The following LRRC7 variants were observed in gnomAD, a reference collection of about 807,000 sequenced individuals.
LRRC7 encodes leucine-rich repeat-containing protein 7.
In LRRC7, 23 loss-of-function variants were observed where a neutral mutation model predicts 175.7. That is an observed-to-expected ratio of 0.13 (90% CI 0.09 to 0.19). LRRC7 has a LOEUF of 0.19. Ranked by LOEUF, LRRC7 falls within the 10% of genes least tolerant of loss-of-function variation. The pLI is 1.00. For synonymous variants in LRRC7, 685 were observed against 680.9 expected, an observed-to-expected ratio of 1.01 and a Z score of -0.09; for missense variants, 1,354 against 1,904.7, an observed-to-expected ratio of 0.71 and a Z score of 5.38.
At position 70,039,752 on chromosome 1, in the gene LRRC7, C is replaced by A; in HGVS notation, c.3928C>A (p.Gln1310Lys). The change falls in exon 21 of 27, where the codon CAA (glutamine) becomes AAA (lysine). Residue 1310 changes from glutamine (Q) to lysine (K), a missense_variant. Gln to Lys is a moderately conservative substitution (Grantham distance 53, BLOSUM62 1). This residue lies in a region of LRRC7 where 1,032 missense variants were observed against 1,227.2 expected (regional missense o/e 0.84). Coordinates refer to ENST00000651989, the MANE Select transcript of LRRC7 (RefSeq NM_001370785.2). ...TGGTAAAATGCCTGCAGACTGGAGA[C>A]AACAGCTGCTTAGACATATAGAAGC... ...SCGKMPADWRQQLLRHIEARR... is the reference protein window; with the variant it reads ...SCGKMPADWRKQLLRHIEARR... 4.3e-6 allele frequency: 7 copies of A among 1,611,544 alleles called. No homozygotes were observed. The highest frequency in any genetic ancestry group is 5.9e-6 in the Non-Finnish European group (7 of 1,178,962).
At chr1:69,619,273 T>C (rs900086084) in intron 1 of LRRC7, among the ~76,000 whole-genome samples, 1 of 152,202 alleles carries the variant, frequency 6.6e-6, no homozygotes, top group Non-Finnish European at 1.5e-5. Context: ...TTTCAGTATG[T>C]TGACATTGGC....
At position 69,575,656 on chromosome 1, in the gene LRRC7, T is replaced by A. The variant is rs1343531854; in HGVS notation, c.2+7015T>A. Among the ~76,000 whole-genome samples the A allele has an allele frequency of 5.4e-5, 6 of 110,132 alleles. No homozygotes were observed. In the East Asian group the frequency reaches 1.2e-3, roughly 22 times the overall value. The allele number at this position is 110,132 out of a possible 152,430, so 72.3% of individuals were successfully genotyped here. On this transcript the variant is annotated intron_variant, in intron 1 of 26. Coordinates refer to ENST00000651989, the MANE Select transcript of LRRC7 (RefSeq NM_001370785.2). ...TTAAAACATTAAAATTAAAATGTTC[T>A]TTTTAAATCATTGATCTTTTTAGGA...
At chr1:69,695,668 A>ACCAGGC (rs1322090969) in intron 2 of LRRC7, among the ~76,000 whole-genome samples, 2 of 152,194 alleles carry the variant, frequency 1.3e-5, no homozygotes, top group African/African-American at 2.4e-5. Flanking sequence ...GGTTTCAGGG[A>ACCAGGC]CCAGGCCCAG....
chr1:69,601,602 AT>A (rs1647075950), intron 1 of LRRC7, among the ~76,000 whole-genome samples: 1 of 152,230 alleles, frequency 6.6e-6, no homozygotes, highest in East Asian at 1.9e-4. Flanking sequence ...CTTAGATCGT[AT>A]TTTTCCCCAG....
rs112682736 is a variant in LRRC7, at chr1:69,584,368, T to G, written c.2+15727T>G. 3.5e-3 allele frequency among the ~76,000 whole-genome samples: 535 copies of G among 152,270 alleles called. 6 individuals carry two copies. The highest frequency in any genetic ancestry group is 0.012 in the African/African-American group (512 of 41,560). On this transcript the variant is annotated intron_variant, in intron 1 of 26. Coordinates refer to ENST00000651989, the MANE Select transcript of LRRC7 (RefSeq NM_001370785.2). ...CTGCCCTGGCCTTCAAAATTTTATT[T>G]TATCAAATGTCTCTCAAAATTGTGT...
At chr1:69,855,833 A>G (rs1273172510) in intron 7 of LRRC7, among the ~76,000 whole-genome samples, 3 of 152,204 alleles carry the variant, frequency 2.0e-5, no homozygotes, top group Non-Finnish European at 2.9e-5. Context: ...ATACATGTTT[A>G]GGATAGTCAG....
chr1:69,714,780 TG>T (rs775790883), intron 2 of LRRC7, among the ~76,000 whole-genome samples: 20 of 151,480 alleles, frequency 1.3e-4, no homozygotes, highest in African/African-American at 2.9e-4. Flanking sequence ...AGGAATCTGA[TG>T]TTTTTTTTAA....
At chr1:69,898,904 T>G (rs1442944662) in intron 7 of LRRC7, among the ~76,000 whole-genome samples, 1 of 152,236 alleles carries the variant, frequency 6.6e-6, no homozygotes, top group Non-Finnish European at 1.5e-5. Flanking sequence ...TTAGGTTTAT[T>G]CATTGCTGCT....
intron 2 of LRRC7, among the ~76,000 whole-genome samples, chr1:69,739,413 ATTCT>A (rs2100848127): frequency 6.6e-6 from 1 of 152,180 alleles, no homozygotes; most frequent in East Asian, 1.9e-4. Context: ...AGAAGAAGAA[ATTCT>A]TTCTACCCAC....
At chr1:69,924,784 C>T (rs934146662) in intron 7 of LRRC7, among the ~76,000 whole-genome samples, 2 of 152,098 alleles carry the variant, frequency 1.3e-5, no homozygotes, top group African/African-American at 4.8e-5. Context: ...AATTGGATAC[C>T]CTTTATTTCT....
At chr1:69,689,848 A>G (rs759748289) in intron 2 of LRRC7, among the ~76,000 whole-genome samples, 1 of 152,218 alleles carries the variant, frequency 6.6e-6, no homozygotes, top group Non-Finnish European at 1.5e-5. Context: ...GTGAAGTTGT[A>G]CTAGGCTGAA....
intron 6 of LRRC7, among the ~76,000 whole-genome samples, chr1:69,836,264 A>G (rs1017780620): frequency 9.9e-5 from 15 of 152,040 alleles, no homozygotes; most frequent in African/African-American, 3.6e-4. Flanking sequence ...ACACTTATGA[A>G]CAGCATATAC....
chr1:69,879,045 G>A (rs1284463632), intron 7 of LRRC7, among the ~76,000 whole-genome samples: 1 of 150,504 alleles, frequency 6.6e-6, no homozygotes, highest in African/African-American at 2.4e-5. Flanking sequence ...TGTAAACTGT[G>A]GACTTTGGGT....
chr1:69,919,491 C>CA, intron 7 of LRRC7: 1 of 909,568 alleles, frequency 1.1e-6, no homozygotes, highest in Non-Finnish European at 1.8e-6. Context: ...GCAGTGGCGG[C>CA]AAAATCTGGC....
rs187179118 is a variant in LRRC7 at position 69,767,179 on chromosome 1, T to A, written c.303+6786T>A. Among the ~76,000 whole-genome samples the A allele has an allele frequency of 1.2e-4, 19 of 152,306 alleles. No homozygotes were observed. In the East Asian group the frequency reaches 3.7e-3, roughly 29 times the overall value. On this transcript the variant is annotated intron_variant, in intron 3 of 26. Coordinates refer to ENST00000651989, the MANE Select transcript of LRRC7 (RefSeq NM_001370785.2). ...CTGAGCATCATGTTTTCAGGGTTCA[T>A]CCATGCCATAGCATGTGTCGGTACT...
chr1:69,928,754 G>T (rs551690694), intron 7 of LRRC7, among the ~76,000 whole-genome samples: 1 of 152,288 alleles, frequency 6.6e-6, no homozygotes, highest in Admixed American at 6.5e-5. Context: ...GACCCCTTGC[G>T]CTTCCCAAGT....
intron 8 of LRRC7, among the ~76,000 whole-genome samples, chr1:69,943,510 T>C (rs1339959759): frequency 6.6e-6 from 1 of 152,102 alleles, no homozygotes; most frequent in Non-Finnish European, 1.5e-5. Flanking sequence ...TGGAATTAGA[T>C]AGTGGTGATG....
intron 1 of LRRC7, among the ~76,000 whole-genome samples, chr1:69,576,341 A>C (rs1645949604): frequency 1.3e-5 from 2 of 152,132 alleles, no homozygotes; most frequent in Admixed American, 1.3e-4. Flanking sequence ...GACAAATTTG[A>C]AATAAACGTT....
At chr1:69,634,237 T>C (rs1351110349) in intron 1 of LRRC7, among the ~76,000 whole-genome samples, 1 of 152,118 alleles carries the variant, frequency 6.6e-6, no homozygotes, top group Non-Finnish European at 1.5e-5. Flanking sequence ...AAGTGATTTG[T>C]TAAGGTCACA....
Sources: allele counts gnomAD v4.1 joint callset (sites outside exome capture counted in the v4.1 genomes callset), GRCh38; gene constraint gnomAD v4.1.1; regional missense constraint gnomAD v4.1.1; transcripts MANE v1.5; gene names NCBI Gene and HGNC (gene_info 2026-07-23, HGNC 2026-07-21).